The following CARD10 variants were observed in gnomAD, a reference collection of about 807,000 sequenced individuals.
CARD10 encodes caspase recruitment domain-containing protein 10.
Under a neutral mutation model 114.6 loss-of-function variants are expected in CARD10, and 49 were observed. That is an observed-to-expected ratio of 0.43 (90% confidence interval 0.34 to 0.54). CARD10 has a LOEUF of 0.54. CARD10 is among the 20% of genes least tolerant of loss of function. The probability of loss-of-function intolerance (pLI) is 0.03; values close to 1 mark genes in which losing one functional copy is unlikely to be tolerated. For missense variants in CARD10, 1,206 were observed against 1,397.2 expected (o/e 0.86, Z 2.18); for synonymous variants, 602 against 593.2 (o/e 1.01, Z -0.21).
intron 4 of CARD10, among the ~76,000 whole-genome samples, chr22:37,509,553 G>A (rs1923537743): frequency 6.6e-6 from 1 of 152,056 alleles, no homozygotes; most frequent in South Asian, 2.1e-4. Context: ...AACAGCAAGA[G>A]GGCCTGTTTT....
chr22:37,496,990 C>A lies in CARD10; in HGVS notation c.1947+29G>T. On this transcript the variant is annotated intron_variant, in intron 12 of 19. Coordinates refer to ENST00000251973, the MANE Select transcript of CARD10 (RefSeq NM_014550.4). This position sits in a 1 kb window ranked among gnomAD's most constrained non-coding sequence, Gnocchi z 4.1. ...AGCCTGGGCAAAAGCACTGACCCTA[C>A]CCCCCCAGCTCAGGAGGCAGGGCCT... 1.3e-6 allele frequency: 2 copies of A among 1,563,310 alleles called. No homozygotes were observed. The highest frequency in any genetic ancestry group is 1.7e-6 in the Non-Finnish European group (2 of 1,155,852).
Position 37,491,290 on chromosome 22 carries a change from G to T in CARD10, c.2968C>A (p.Pro990Thr), listed in dbSNP as rs1266765777. 2.6e-6 allele frequency: 4 copies of T among 1,568,598 alleles called. No individual in the cohort carries two copies. In the East Asian group the frequency reaches 7.0e-5, roughly 27 times the overall value. Residue 990 changes from proline to threonine, a missense_variant, in exon 20 of 20, where the codon CCC becomes ACC. Physicochemically the swap from Pro to Thr is conservative, Grantham distance 38. Transcript: ENST00000251973. ...TCTGCGTGTCCCCACTCATGGGCGG[G>T]CACCTGCACCCAGGAGCAGGGCAGC... ...WGLPCSWVQV[P>T]AHEWGHAEEL...
At chr22:37,503,498 G>A (rs1166006065) in intron 9 of CARD10, among the ~76,000 whole-genome samples, 1 of 152,088 alleles carries the variant, frequency 6.6e-6, no homozygotes, top group Non-Finnish European at 1.5e-5. Context: ...CCTCCTGGAA[G>A]CCACCCCTGA....
rs1922764592 is a variant in CARD10, at chr22:37,491,310, G to T, written c.2948C>A (p.Pro983His). Residue 983 changes from proline (P) to histidine (H), a missense_variant, in exon 20 of 20, where the codon CCC becomes CAC. Physicochemically the swap from Pro to His is moderately conservative, Grantham distance 77. Around this residue, in one of 2 missense-constraint regions of CARD10, gnomAD observed 1,068 missense variants for 1,179.1 expected, o/e 0.91. Transcript: ENST00000251973. The stretch of plus-strand genomic sequence containing the variant: ...GGCGGGCACCTGCACCCAGGAGCAG[G>T]GCAGCCCCCAGAGCACCTGCTCTGA... ...RGSEQVLWGL[P>H]CSWVQVPAHE... The T allele has an allele frequency of 6.4e-7, 1 of 1,564,554 alleles. No individual in the cohort carries two copies.
In CARD10 at chr22:37,495,808, G is replaced by T. The variant is rs765383121; in HGVS notation, c.2255C>A (p.Pro752His). ...CCGGTCCAGGTCCCGCAGAGTGAGG[G>T]GGTCAACCCGGGTGCAGAACCATTC... The part of the protein sequence containing the change: ...RQEWFCTRVD[P>H]LTLRDLDRGT... Residue 752 changes from proline to histidine, a missense_variant, in exon 14 of 20, where the codon CCC becomes CAC. Transcript: ENST00000251973. 3 of 1,614,034 alleles carry T rather than the reference G, an allele frequency of 1.9e-6. No homozygotes were observed. The South Asian group carries it at 3.3e-5, about 18-fold the overall frequency.
intron 7 of CARD10, among the ~76,000 whole-genome samples, chr22:37,505,000 C>T (rs562824077): frequency 1.3e-5 from 2 of 152,342 alleles, no homozygotes; most frequent in East Asian, 1.9e-4. Flanking sequence ...CACACAAAGA[C>T]CCCACCCAGC....
In CARD10 at chr22:37,507,967, C is replaced by G. The variant is rs1291143792; in HGVS notation, c.1066-13G>C. On this transcript the variant is annotated splice_polypyrimidine_tract_variant and intron_variant, in intron 5 of 19. Transcript: ENST00000251973. Reference sequence around the variant, plus strand: ...TCTCCTGCAGGTACTGAGGGTGGCACGGGGCGGGGTCAGACCACAGGGCTG... The same window carrying G: ...TCTCCTGCAGGTACTGAGGGTGGCAGGGGGCGGGGTCAGACCACAGGGCTG... The G allele has an allele frequency of 6.2e-7, 1 of 1,613,832 alleles. No homozygotes were observed. The highest frequency in any genetic ancestry group is 1.3e-5 in the African/African-American group (1 of 75,030).
intron 5 of CARD10, 82 bp from the exon 6 acceptor site, chr22:37,508,036 T>A: frequency 6.5e-7 from 1 of 1,535,300 alleles, no homozygotes; most frequent in Non-Finnish European, 8.9e-7. Flanking sequence ...GGAGGGCCAG[T>A]GAGAGACGCT....
intron 2 of CARD10, among the ~76,000 whole-genome samples, chr22:37,517,688 A>G (rs574378528): frequency 6.6e-6 from 1 of 152,246 alleles, no homozygotes; most frequent in African/African-American, 2.4e-5. Flanking sequence ...ATTTTTTTAC[A>G]TAAAAAACTA....
chr22:37,495,380 T>C (rs1569162468), intron 15 of CARD10, 137 bp downstream of exon 15: 2 of 678,736 alleles, frequency 2.9e-6, no homozygotes, highest in East Asian at 2.7e-5. Flanking sequence ...GCTGGGCACA[T>C]AGTAGATGAC....
chr22:37,496,027 C>T lies in CARD10; in HGVS notation c.2060-24G>A. On this transcript the variant is annotated intron_variant, in intron 13 of 19. Coordinates refer to ENST00000251973, the MANE Select transcript of CARD10 (RefSeq NM_014550.4). This position sits in a 1 kb window ranked among gnomAD's most constrained non-coding sequence, Gnocchi z 4.1. ...GGCTGGGCATGGATGGGGCAGGGGG[C>T]AGCAAGGAGGACAAGAGGAGGATGG... The T allele has an allele frequency of 6.2e-7, 1 of 1,610,256 alleles. No homozygotes were observed.
At chr22:37,503,891 C>T (rs1483667932) in intron 9 of CARD10, 6 of 532,530 alleles carry the variant, frequency 1.1e-5, no homozygotes, top group Non-Finnish European at 2.1e-5. Flanking sequence ...TAGTCCTGAA[C>T]CATCAAGCTT....
At chr22:37,500,503 C>A (rs1483652946) in intron 11 of CARD10, among the ~76,000 whole-genome samples, 1 of 152,138 alleles carries the variant, frequency 6.6e-6, no homozygotes, top group Admixed American at 6.5e-5. Flanking sequence ...CACTATCCAC[C>A]ATCCCCTCCC....
chr22:37,515,913 T>C, intron 3 of CARD10, 60 bp downstream of exon 3: 1 of 1,381,520 alleles, frequency 7.2e-7, no homozygotes, highest in East Asian at 2.5e-5. Context: ...GCTGGCTGGC[T>C]ACTACATTGC....
At chr22:37,494,847 G>C (rs997785112) in intron 15 of CARD10, among the ~76,000 whole-genome samples, 14 of 152,200 alleles carry the variant, frequency 9.2e-5, no homozygotes, top group Non-Finnish European at 5.9e-5. Context: ...TGGGGCCCTC[G>C]CTCTTCCTTT....
chr22:37,498,585 C>T (rs73416218), intron 11 of CARD10, among the ~76,000 whole-genome samples: 7,665 of 152,244 alleles, frequency 0.05, 561 homozygotes, highest in African/African-American at 0.16. Context: ...CCCACCCAAT[C>T]GGCACTGCTG....
In CARD10 at chr22:37,492,943, C is replaced by T. The variant is rs1922859988; in HGVS notation, c.2477-141G>A. The T allele has an allele frequency of 1.2e-6, 1 of 831,556 alleles. No individual in the cohort carries two copies. The highest frequency in any genetic ancestry group is 1.8e-6 in the Non-Finnish European group (1 of 543,184). 51.5% of individuals were successfully genotyped at this position (831,556 alleles called of 1,614,324 possible). On this transcript the variant is annotated intron_variant, in intron 16 of 19. Transcript: ENST00000251973. This position sits in a 1 kb window ranked among gnomAD's most constrained non-coding sequence, Gnocchi z 5.7. The stretch of plus-strand genomic sequence containing the variant: ...CTCCTACACATGCACACACACACAC[C>T]CTTAGTAGGACCGACGGTGGCAGTA...
chr22:37,497,445 C>A (rs1232525258), intron 11 of CARD10, among the ~76,000 whole-genome samples: 1 of 152,214 alleles, frequency 6.6e-6, no homozygotes, highest in Non-Finnish European at 1.5e-5. Context: ...TCCAACTTTG[C>A]CTTGCCACGG....
In CARD10 at chr22:37,492,952, G is replaced by A. The variant is rs1694363860; in HGVS notation, c.2477-150C>T. 1 of 780,588 alleles carries A rather than the reference G, an allele frequency of 1.3e-6. No individual in the cohort carries two copies. The highest frequency in any genetic ancestry group is 2.0e-6 in the Non-Finnish European group (1 of 500,092). The allele number at this position is 780,588 out of a possible 1,614,324, so 48.4% of individuals were successfully genotyped here. ...ATGCACACACACACACCCTTAGTAGGACCGACGGTGGCAGTAGGCTCCTCC... is the reference window on the plus strand; with the variant it reads ...ATGCACACACACACACCCTTAGTAGAACCGACGGTGGCAGTAGGCTCCTCC... On this transcript the variant is annotated intron_variant, in intron 16 of 19. Coordinates refer to ENST00000251973, the MANE Select transcript of CARD10 (RefSeq NM_014550.4). The surrounding 1 kb of genome is among the most constrained non-coding windows in gnomAD (Gnocchi z 5.7).
Sources: gnomAD v4.1 joint callset for allele counts (sites outside exome capture counted in the v4.1 genomes callset) on GRCh38, gnomAD v4.1.1 for gene constraint, gnomAD v4.1.1 regional missense constraint, Gnocchi (gnomAD v3.1) non-coding constraint, MANE v1.5 for transcripts, NCBI Gene and HGNC (gene_info 2026-07-23, HGNC 2026-07-21) for gene names.